DGKA: variants seen among roughly 807,000 people sequenced by gnomAD.
The protein encoded by DGKA is diacylglycerol kinase alpha.
In DGKA, 35 loss-of-function variants were observed where a neutral mutation model predicts 105.0. The ratio of observed to expected loss-of-function variants is 0.33; its 90% CI spans 0.25 to 0.44. The LOEUF is 0.44. Ranked by LOEUF, DGKA falls within the 20% of genes least tolerant of loss-of-function variation. The pLI, the probability that DGKA is intolerant of heterozygous loss-of-function variation, is 1.00. For missense variants in DGKA, 665 were observed against 915.0 expected (o/e 0.73, Z 3.53); for synonymous variants, 296 against 332.0 (o/e 0.89, Z 1.18).
chr12:55,940,196 C>G lies in DGKA; in HGVS notation c.798+26C>G. 1 of 1,613,782 alleles carries G rather than the reference C, an allele frequency of 6.2e-7. No homozygotes were observed. Among genetic ancestry groups the G allele is most frequent in the Non-Finnish European group, 8.5e-7 (1 of 1,179,610 alleles). On this transcript the variant is annotated intron_variant, in intron 10 of 23. Transcript: ENST00000331886. This position sits in a 1 kb window ranked among gnomAD's most constrained non-coding sequence, Gnocchi z 4.3. ...GTGAGTGATCTCATGCCTCCACCCC[C>G]AACATCACCTACATCCTGGCCCTGG...
upstream of DGKA, chr12:55,927,790 CG>C: frequency 6.5e-7 from 1 of 1,536,644 alleles, no homozygotes; most frequent in Middle Eastern, 2.0e-4. Context: ...CCAGGTTGGG[CG>C]GGCGGCCCTG....
At chr12:55,935,801 A>G (rs769719794) in intron 1 of DGKA, 120 of 880,902 alleles carry the variant, frequency 1.4e-4, no homozygotes, top group Non-Finnish European at 1.4e-4. Context: ...GGCCGGGGCT[A>G]GGGACCTTGC....
chr12:55,938,937 A>C lies in DGKA; in HGVS notation c.422A>C (p.Gln141Pro). The C allele has an allele frequency of 1.9e-6, 3 of 1,614,214 alleles. No homozygotes were observed. Among genetic ancestry groups the C allele is most frequent in the Non-Finnish European group, 2.5e-6 (3 of 1,180,044 alleles). Reference sequence around the variant, plus strand: ...CAGGAAGTGGACAAAATTATCCTACAGATGATGCGAGTGGCTGAATACCTG... The same window carrying C: ...CAGGAAGTGGACAAAATTATCCTACCGATGATGCGAGTGGCTGAATACCTG... ...DSSEVDKIIL[Q>P]MMRVAEYLDW... The change falls in exon 7 of 24, where the codon CAG becomes CCG. Residue 141 changes from glutamine to proline, a missense_variant. By Grantham distance (76) the Gln-to-Pro change is moderately conservative. Around this residue, in one of 3 missense-constraint regions of DGKA, gnomAD observed 504 missense variants for 681.2 expected, o/e 0.74. Coordinates refer to ENST00000331886, the MANE Select transcript of DGKA (RefSeq NM_001345.5).
At chr12:55,951,947 G>A in intron 18 of DGKA, 88 bp from the exon 19 acceptor site, 1 of 1,524,326 alleles carries the variant, frequency 6.6e-7, no homozygotes, top group East Asian at 2.3e-5. Context: ...GACATGCTGT[G>A]GGGAGCAGCA....
At chr12:55,930,388 CAG>C (rs1883409200), upstream of DGKA, 1 of 77,576 alleles carries the variant, frequency 1.3e-5, no homozygotes, top group African/African-American at 4.7e-5. Context: ...TTTTTTTAGA[CAG>C]AGTTTTGCTC....
Position 55,932,335 on chromosome 12 carries a change from A to G in DGKA, c.-82+991A>G, listed in dbSNP as rs112451375. ...GAACCCGGTGGGTAACGTTTCCCAG[A>G]CCTTCCCCTCCATCCCTCCCGCTCA... On this transcript the variant is annotated intron_variant, in intron 1 of 23. Transcript: ENST00000331886. The surrounding 1 kb of genome is among the most constrained non-coding windows in gnomAD (Gnocchi z 4.3). 10,172 of 574,268 alleles carry G rather than the reference A, an allele frequency of 0.018. 115 individuals are homozygous for G. Among genetic ancestry groups the G allele is most frequent in the Non-Finnish European group, 0.024 (7,681 of 320,452 alleles). The allele number at this position is 574,268 out of a possible 1,614,324, so 35.6% of individuals were successfully genotyped here. A position where few individuals can be genotyped will look rare whatever the true frequency, so the allele number is the denominator to read the frequency against.
At chr12:55,943,550 A>C (rs1886427435) in intron 17 of DGKA, 1 of 152,212 alleles carries the variant, frequency 6.6e-6, no homozygotes, top group Non-Finnish European at 1.5e-5. Context: ...TGTTGGGATT[A>C]CAGGTGTAAG....
At chr12:55,948,722 A>G (rs1002630379) in intron 17 of DGKA, among the ~76,000 whole-genome samples, 21 of 150,488 alleles carry the variant, frequency 1.4e-4, no homozygotes, top group Admixed American at 4.6e-4. Context: ...GTCTCAAAAA[A>G]AAAAAAAATT....
chr12:55,941,087 A>G, intron 13 of DGKA, 107 bp downstream of exon 13: 1 of 1,371,336 alleles, frequency 7.3e-7, no homozygotes, highest in South Asian at 1.3e-5. Flanking sequence ...GTTGATGCTC[A>G]CTCTCCAGAA....
In DGKA at chr12:55,950,984, G is replaced by A. The variant is rs567590970; in HGVS notation, c.1427-639G>A. On this transcript the variant is annotated intron_variant, in intron 17 of 23. Transcript: ENST00000331886. ...CTTCTAGTACAAATTCTGGCCAGGC[G>A]CAGTGGCCTGTAATCCCAGCACTTT... 5.3e-5 allele frequency among the ~76,000 whole-genome samples: 8 copies of A among 152,216 alleles called. No individual in the cohort carries two copies. In the South Asian group the frequency reaches 1.0e-3, roughly 20 times the overall value.
chr12:55,936,240 T>TG, intron 1 of DGKA, 183 bp from the exon 2 acceptor site: 1 of 664,360 alleles, frequency 1.5e-6, no homozygotes, highest in Non-Finnish European at 2.3e-6. Flanking sequence ...GGACAGACAC[T>TG]GTCAGGGAAG....
chr12:55,927,808 C>T, upstream of DGKA: 1 of 1,527,416 alleles, frequency 6.5e-7, no homozygotes, highest in Non-Finnish European at 8.8e-7. Flanking sequence ...CCTGGCCTGG[C>T]TCTGCCCCGC....
intron 17 of DGKA, among the ~76,000 whole-genome samples, chr12:55,946,081 C>A (rs925102657): frequency 1.3e-5 from 2 of 152,072 alleles, no homozygotes; most frequent in African/African-American, 4.8e-5. Context: ...AGCTACCATG[C>A]CTGGCCCAGA....
intron 2 of DGKA, 178 bp downstream of exon 2, chr12:55,936,745 CG>C (rs772289338): frequency 1.0e-6 from 1 of 986,808 alleles, no homozygotes; most frequent in South Asian, 1.3e-5. Context: ...GAAAAAGATC[CG>C]GATCTACCAC....
At chr12:55,931,145 A>T (rs1030261005), upstream of DGKA, 1 of 152,190 alleles carries the variant, frequency 6.6e-6, no homozygotes, top group Admixed American at 6.5e-5. Context: ...GCCAGTGAGC[A>T]GGATGCCTGG....
Position 55,940,271 on chromosome 12 carries a change from C to G in DGKA, c.799-43C>G. The stretch of plus-strand genomic sequence containing the variant: ...CCTCAGCCCCTCCCTCCCCTAGGTC[C>G]TGCTCAGACCCTGCCAGACAAGGAA... On this transcript the variant is annotated intron_variant, in intron 10 of 23. Coordinates refer to ENST00000331886, the MANE Select transcript of DGKA (RefSeq NM_001345.5). This position sits in a 1 kb window ranked among gnomAD's most constrained non-coding sequence, Gnocchi z 4.3. 1.9e-6 allele frequency: 3 copies of G among 1,614,268 alleles called. No homozygotes were observed. Among genetic ancestry groups the G allele is most frequent in the Non-Finnish European group, 2.5e-6 (3 of 1,180,046 alleles).
At chr12:55,939,036 G>A in intron 7 of DGKA, 47 bp downstream of exon 7, 2 of 1,612,990 alleles carry the variant, frequency 1.2e-6, no homozygotes, top group African/African-American at 1.3e-5. Context: ...TTCTTCCCTG[G>A]TGAGTCCTGC....
chr12:55,936,273 C>A, intron 1 of DGKA, 150 bp from the exon 2 acceptor site: 3 of 877,758 alleles, frequency 3.4e-6, no homozygotes, highest in South Asian at 2.1e-5. Context: ...GGAAGAGGGA[C>A]ACAGGGAAAG....
At chr12:55,927,764 C>T, upstream of DGKA, 1 of 1,538,974 alleles carries the variant, frequency 6.5e-7, no homozygotes, top group Non-Finnish European at 8.7e-7. Context: ...GCTTCCATGG[C>T]CGAAGAGGCA....
Sources: allele counts gnomAD v4.1 joint callset (sites outside exome capture counted in the v4.1 genomes callset), GRCh38; gene constraint gnomAD v4.1.1; regional missense constraint gnomAD v4.1.1; non-coding constraint Gnocchi (gnomAD v3.1); transcripts MANE v1.5; gene names NCBI Gene and HGNC (gene_info 2026-07-23, HGNC 2026-07-21).